The following PRKAR2A variants were observed in gnomAD, a reference collection of about 807,000 sequenced individuals.
The protein encoded by PRKAR2A is protein kinase cAMP-dependent type II regulatory subunit alpha.
Under a neutral mutation model 51.9 loss-of-function variants are expected in PRKAR2A, and 29 were observed. The observed-to-expected ratio is 0.56, with a 90% CI of 0.42 to 0.76. PRKAR2A has a LOEUF of 0.76. Ranked by LOEUF, PRKAR2A falls within the 30% of genes least tolerant of loss-of-function variation. The pLI is 0.00. For missense variants in PRKAR2A, 445 were observed against 512.1 expected, an observed-to-expected ratio of 0.87 and a Z score of 1.26; for synonymous variants, 178 against 186.2, an observed-to-expected ratio of 0.96 and a Z score of 0.36.
intron 2 of PRKAR2A, among the ~76,000 whole-genome samples, chr3:48,805,233 G>T (rs997093760): frequency 1.3e-5 from 2 of 152,130 alleles, no homozygotes; most frequent in African/African-American, 4.8e-5. Context: ...GTTTTAAGAA[G>T]CTTTCAGGGA....
At position 48,749,922 on chromosome 3, in the gene PRKAR2A, TCTCA is replaced by T. The variant is rs1178829037; in HGVS notation, c.*1659_*1662del. ...CTTTTTTTTTTTTTAAGAGACAGGG[TCTCA>T]CTGTGTCACCCAGACTGGAGTGCAG... is the stretch of plus-strand genomic sequence containing the variant. On this transcript the variant is annotated 3_prime_UTR_variant, in exon 11 of 11. Transcript: ENST00000265563. 6.7e-6 allele frequency: 1 copy of T among 149,974 alleles called. No individual in the cohort carries two copies. The highest frequency in any genetic ancestry group is 2.5e-5 in the African/African-American group (1 of 40,604). The allele number at this position is 149,974 out of a possible 1,614,324, so 9.3% of individuals were successfully genotyped here.
chr3:48,747,987 G>A lies in PRKAR2A; in HGVS notation c.*3598C>T, dbSNP rs1652525243. On this transcript the variant is annotated 3_prime_UTR_variant, in exon 11 of 11. Coordinates refer to ENST00000265563, the MANE Select transcript of PRKAR2A (RefSeq NM_004157.4). ...TGTCAGGTCCTGGCACCGTGGTAATGGCTATATCCTATTTCACTCACACAC... is the reference window on the plus strand; with the variant it reads ...TGTCAGGTCCTGGCACCGTGGTAATAGCTATATCCTATTTCACTCACACAC... 1 of 152,168 alleles carries A rather than the reference G, an allele frequency of 6.6e-6. No individual in the cohort carries two copies. Among genetic ancestry groups the A allele is most frequent in the Non-Finnish European group, 1.5e-5 (1 of 68,058 alleles). 9.4% of individuals were successfully genotyped at this position (152,168 alleles called of 1,614,324 possible).
At chr3:48,825,453 TG>T (rs1255913771) in intron 1 of PRKAR2A, among the ~76,000 whole-genome samples, 1 of 152,128 alleles carries the variant, frequency 6.6e-6, no homozygotes, top group Non-Finnish European at 1.5e-5. Context: ...TACCTTTTGT[TG>T]AGTACAGACC....
rs750120017 is a variant in PRKAR2A, at chr3:48,808,622, C to T, written c.263-938G>A. ...TCTTGAACTCCTGACAGGTGATCCG[C>T]CTGCCTCAGCCTCCCAAAGTGCTGG... On this transcript the variant is annotated intron_variant, in intron 1 of 10. Transcript: ENST00000265563. Among the ~76,000 whole-genome samples, 561 of 78,950 alleles carry T rather than the reference C, an allele frequency of 7.1e-3. 3 individuals are homozygous for T. Among genetic ancestry groups the T allele is most frequent in the Non-Finnish European group, 0.011 (394 of 36,528 alleles). The allele number at this position is 78,950 out of a possible 152,430, so 51.8% of individuals were successfully genotyped here. A position where few individuals can be genotyped will look rare whatever the true frequency, so the allele number is the denominator to read the frequency against.
At chr3:48,846,800 C>T (rs1188088375) in intron 1 of PRKAR2A, among the ~76,000 whole-genome samples, 1 of 152,144 alleles carries the variant, frequency 6.6e-6, no homozygotes, top group Non-Finnish European at 1.5e-5. Context: ...CTTTAATACA[C>T]TTCGGCAAAG....
At chr3:48,770,162 T>C (rs762460058) in intron 6 of PRKAR2A, among the ~76,000 whole-genome samples, 5 of 152,032 alleles carry the variant, frequency 3.3e-5, no homozygotes, top group Non-Finnish European at 2.9e-5. Context: ...CTGTGGAGAA[T>C]ATAAAAAAAG....
At chr3:48,803,054 G>A (rs951389086) in intron 2 of PRKAR2A, among the ~76,000 whole-genome samples, 1 of 152,168 alleles carries the variant, frequency 6.6e-6, no homozygotes, top group African/African-American at 2.4e-5. Flanking sequence ...CATCTGCTAA[G>A]GATGAGGAAG....
chr3:48,759,078 A>G (rs2081822340), intron 8 of PRKAR2A, among the ~76,000 whole-genome samples: 1 of 152,260 alleles, frequency 6.6e-6, no homozygotes, highest in Non-Finnish European at 1.5e-5. Flanking sequence ...GAAACAATGC[A>G]AGGGGATAAA....
rs540463001 is a variant in PRKAR2A, at chr3:48,769,480, CT to C, written c.696+3474del. Among the ~76,000 whole-genome samples, 204 of 142,298 alleles carry C rather than the reference CT, an allele frequency of 1.4e-3. 1 individual carries two copies. The highest frequency in any genetic ancestry group is 7.4e-3 in the Middle Eastern group (2 of 272). 93.4% of individuals were successfully genotyped at this position (142,298 alleles called of 152,430 possible). A position where few individuals can be genotyped will look rare whatever the true frequency, so the allele number is the denominator to read the frequency against. ...CCACAACAAATATCTCTTACAGCGACTTTTTTTTTTTTTGAGATGGAGTTTC... is the reference window on the plus strand; with the variant it reads ...CCACAACAAATATCTCTTACAGCGACTTTTTTTTTTTTGAGATGGAGTTTC... On this transcript the variant is annotated intron_variant, in intron 6 of 10. Coordinates refer to ENST00000265563, the MANE Select transcript of PRKAR2A (RefSeq NM_004157.4).
intron 6 of PRKAR2A, among the ~76,000 whole-genome samples, chr3:48,772,741 C>T (rs1019781011): frequency 1.2e-4 from 18 of 152,092 alleles, no homozygotes; most frequent in Admixed American, 1.1e-3. Flanking sequence ...CCCGAGTTCA[C>T]GCCATTCTCC....
chr3:48,816,354 G>A (rs751381882), intron 1 of PRKAR2A, among the ~76,000 whole-genome samples: 1 of 152,150 alleles, frequency 6.6e-6, no homozygotes, highest in Admixed American at 6.6e-5. Context: ...TAAATCTCTA[G>A]CATCTAGCAC....
intron 4 of PRKAR2A, among the ~76,000 whole-genome samples, chr3:48,785,448 CG>C (rs1322837796): frequency 1.3e-5 from 2 of 150,896 alleles, no homozygotes; most frequent in Non-Finnish European, 3.0e-5. Flanking sequence ...TTAGTAGAGA[CG>C]GGGTTTCACC....
chr3:48,769,856 C>G (rs951066100), intron 6 of PRKAR2A, among the ~76,000 whole-genome samples: 2 of 152,108 alleles, frequency 1.3e-5, no homozygotes, highest in African/African-American at 4.8e-5. Flanking sequence ...CAGCTCACTG[C>G]AGCCTTGACC....
chr3:48,829,454 G>A (rs1267885918), intron 1 of PRKAR2A, among the ~76,000 whole-genome samples: 3 of 151,252 alleles, frequency 2.0e-5, no homozygotes, highest in African/African-American at 7.3e-5. Flanking sequence ...GGGAGGCAGA[G>A]GTTGCAGTGA....
chr3:48,818,885 G>C (rs2082914893), intron 1 of PRKAR2A, among the ~76,000 whole-genome samples: 1 of 152,088 alleles, frequency 6.6e-6, no homozygotes, highest in South Asian at 2.1e-4. Context: ...AAAATGTTAG[G>C]GATATCATAG....
At chr3:48,829,879 T>TATATATACA (rs1559647006) in intron 1 of PRKAR2A, among the ~76,000 whole-genome samples, 30 of 98,770 alleles carry the variant, frequency 3.0e-4, no homozygotes, top group Non-Finnish European at 6.5e-4. Flanking sequence ...ATATTTTTTT[T>TATATATACA]TTTTTTTTAA....
In PRKAR2A at chr3:48,779,944, G is replaced by A. The variant is rs1175965508; in HGVS notation, c.542+3042C>T. On this transcript the variant is annotated intron_variant, in intron 5 of 10. Transcript: ENST00000265563. ...TGGGAGGCTGAGGTGGGTGGATCAC[G>A]AGGTCAAGAGATCGAGACCATCAGG... Among the ~76,000 whole-genome samples, 4 of 151,610 alleles carry A rather than the reference G, an allele frequency of 2.6e-5. No homozygotes were observed. The East Asian group carries it at 7.7e-4, about 29-fold the overall frequency.
chr3:48,804,755 G>C (rs2082647786), intron 2 of PRKAR2A, among the ~76,000 whole-genome samples: 1 of 152,122 alleles, frequency 6.6e-6, no homozygotes, highest in African/African-American at 2.4e-5. Flanking sequence ...TGGACAACTG[G>C]AGGACAAGAT....
rs1293253042 is a variant in PRKAR2A, at chr3:48,777,290, T to C, written c.543-4182A>G. On this transcript the variant is annotated intron_variant, in intron 5 of 10. Transcript: ENST00000265563. The stretch of plus-strand genomic sequence containing the variant: ...TACTGTATATGTAGTGTCATCAGTC[T>C]TGACATCTTAACCAAATTTTGGGTG... 4.6e-5 allele frequency among the ~76,000 whole-genome samples: 7 copies of C among 152,240 alleles called. 1 individual carries two copies. The South Asian group carries it at 1.4e-3, about 31-fold the overall frequency.
Sources: allele counts gnomAD v4.1 joint callset (sites outside exome capture counted in the v4.1 genomes callset), GRCh38; gene constraint gnomAD v4.1.1; transcripts MANE v1.5; gene names NCBI Gene and HGNC (gene_info 2026-07-23, HGNC 2026-07-21).